PRKCB: variants seen among roughly 807,000 people sequenced by gnomAD.
PRKCB encodes the protein protein kinase C beta.
PRKCB carries 13 observed loss-of-function variants against 81.5 expected under a neutral mutation model. The observed-to-expected ratio is 0.16, with a 90% CI of 0.10 to 0.25. PRKCB has a LOEUF of 0.25. Among genes scored for constraint, PRKCB ranks in the 10% least tolerant of loss-of-function variants. PRKCB has a pLI of 1.00. For missense variants in PRKCB, 509 were observed against 875.7 expected (o/e 0.58, Z 5.29); for synonymous variants, 335 against 321.4 (o/e 1.04, Z -0.45).
At chr16:24,018,345 C>T (rs549745736) in intron 3 of PRKCB, among the ~76,000 whole-genome samples, 63 of 152,324 alleles carry the variant, frequency 4.1e-4, no homozygotes, top group African/African-American at 1.5e-3. Flanking sequence ...GCCACCGGAC[C>T]TGGCAGAACA....
intron 3 of PRKCB, among the ~76,000 whole-genome samples, chr16:23,990,239 A>G (rs1350236064): frequency 6.6e-6 from 1 of 151,906 alleles, no homozygotes; most frequent in Non-Finnish European, 1.5e-5. Flanking sequence ...CGGGCAGATC[A>G]CAAGGTCAGG....
chr16:24,168,981 A>T (rs1462340531), intron 10 of PRKCB, among the ~76,000 whole-genome samples: 1 of 152,026 alleles, frequency 6.6e-6, no homozygotes, highest in Non-Finnish European at 1.5e-5. Context: ...CTCAGGCAGT[A>T]TTGCCAGGAC....
At chr16:24,087,776 A>G (rs763437851) in intron 5 of PRKCB, among the ~76,000 whole-genome samples, 1 of 152,230 alleles carries the variant, frequency 6.6e-6, no homozygotes, top group Non-Finnish European at 1.5e-5. Flanking sequence ...GTTAACATGC[A>G]TGCTATCTTT....
chr16:23,950,132 A>T (rs1349454138), intron 2 of PRKCB, among the ~76,000 whole-genome samples: 29 of 97,758 alleles, frequency 3.0e-4, no homozygotes, highest in Non-Finnish European at 4.3e-4. Context: ...TATGATTTGA[A>T]TTTTTTTTTT....
At chr16:23,841,412 C>G (rs910100048) in intron 2 of PRKCB, among the ~76,000 whole-genome samples, 2 of 151,790 alleles carry the variant, frequency 1.3e-5, no homozygotes, top group Non-Finnish European at 2.9e-5. Flanking sequence ...AACTTAGGAC[C>G]TGCATTTGAG....
intron 3 of PRKCB, among the ~76,000 whole-genome samples, chr16:23,989,260 G>A (rs145499700): frequency 0.011 from 1,747 of 152,176 alleles, 34 homozygotes; most frequent in African/African-American, 0.04. Context: ...CACTGTGCCC[G>A]GCCTATTATT....
intron 9 of PRKCB, among the ~76,000 whole-genome samples, chr16:24,150,687 T>C (rs946125839): frequency 2.6e-5 from 4 of 152,234 alleles, no homozygotes; most frequent in Admixed American, 6.5e-5. Context: ...CAGCAAACTA[T>C]TGGAGCCCAG....
rs1211736881 is a variant in PRKCB, at chr16:24,021,217, T to C, written c.289-10919T>C. On this transcript the variant is annotated intron_variant, in intron 3 of 16. Transcript: ENST00000643927. The stretch of plus-strand genomic sequence containing the variant: ...TTCTTTCTTTCTTTCTTTCTTTCTT[T>C]CTTTCTTTCTTTCTTTCCTTCCTTC... Among the ~76,000 whole-genome samples the C allele has an allele frequency of 1.0e-3, 26 of 24,956 alleles. 7 individuals carry two copies. Among genetic ancestry groups the C allele is most frequent in the South Asian group, 7.6e-3 (2 of 262 alleles). 16.4% of individuals were successfully genotyped at this position (24,956 alleles called of 152,430 possible). A position where few individuals can be genotyped will look rare whatever the true frequency, so the allele number is the denominator to read the frequency against.
intron 2 of PRKCB, among the ~76,000 whole-genome samples, chr16:23,867,024 CCTTCCTTCCTTCCTTCCTTCCTTCCT>C (rs1355972973): frequency 2.3e-5 from 2 of 87,910 alleles, no homozygotes; most frequent in African/African-American, 9.4e-5. Context: ...TTCCTTCCTT[CCTTCCTTCCTTCCTTCCTTCCTTCCT>C]TCTCTCTCTC....
chr16:24,165,423 A>T (rs955606562), intron 10 of PRKCB, among the ~76,000 whole-genome samples: 2 of 152,226 alleles, frequency 1.3e-5, no homozygotes, highest in Admixed American at 6.5e-5. Context: ...GGCAAGCCTG[A>T]ACCTTATTCA....
intron 9 of PRKCB, chr16:24,151,961 TC>T: frequency 2.2e-6 from 1 of 452,638 alleles, no homozygotes; most frequent in Admixed American, 2.4e-5. Flanking sequence ...AGATGTCCTA[TC>T]ATGACTGCAT....
At chr16:23,898,861 G>T (rs1465693878) in intron 2 of PRKCB, among the ~76,000 whole-genome samples, 1 of 152,194 alleles carries the variant, frequency 6.6e-6, no homozygotes, top group Non-Finnish European at 1.5e-5. Flanking sequence ...TAAACTCCTT[G>T]CACCTTGGTC....
intron 8 of PRKCB, among the ~76,000 whole-genome samples, chr16:24,120,693 A>G (rs536221314): frequency 6.6e-6 from 1 of 152,284 alleles, no homozygotes; most frequent in African/African-American, 2.4e-5. Context: ...TCTCCCAAAT[A>G]GATCCACTTT....
intron 8 of PRKCB, among the ~76,000 whole-genome samples, chr16:24,123,022 G>A (rs1218127526): frequency 6.6e-6 from 1 of 152,202 alleles, no homozygotes; most frequent in African/African-American, 2.4e-5. Flanking sequence ...AAACCATGGA[G>A]AATGAGAAAT....
chr16:24,133,227 T>C (rs1596562768), intron 9 of PRKCB, among the ~76,000 whole-genome samples: 2 of 152,134 alleles, frequency 1.3e-5, no homozygotes, highest in Admixed American at 6.5e-5. Flanking sequence ...AAAAAAAAAT[T>C]GCATGCCTTA....
intron 5 of PRKCB, among the ~76,000 whole-genome samples, chr16:24,055,971 A>C (rs913086068): frequency 6.6e-6 from 1 of 152,174 alleles, no homozygotes; most frequent in Admixed American, 6.5e-5. Context: ...AGGCTCAGAG[A>C]GGTTAATTGA....
In PRKCB at chr16:23,908,319, G is replaced by A. The variant is rs1963594661; in HGVS notation, c.205+70913G>A. On this transcript the variant is annotated intron_variant, in intron 2 of 16. Transcript: ENST00000643927. ...GTCCCCTTGGGAAGTTGCATTAGTG[G>A]GTGAATGGGGGTTTTATAGGCCAGG... Among the ~76,000 whole-genome samples the A allele has an allele frequency of 2.6e-5, 4 of 152,218 alleles. No homozygotes were observed. In the South Asian group the frequency reaches 8.3e-4, roughly 32 times the overall value.
At chr16:23,956,274 C>T (rs902279750) in intron 2 of PRKCB, among the ~76,000 whole-genome samples, 1 of 152,024 alleles carries the variant, frequency 6.6e-6, no homozygotes, top group East Asian at 1.9e-4. Context: ...CGCGCCACCA[C>T]GTCCAGCTAA....
intron 5 of PRKCB, among the ~76,000 whole-genome samples, chr16:24,071,384 G>T (rs973613676): frequency 6.9e-6 from 1 of 145,934 alleles, no homozygotes. Flanking sequence ...CGGGTGGATC[G>T]CTTGAGCTCA....
Sources: allele counts gnomAD v4.1 joint callset (sites outside exome capture counted in the v4.1 genomes callset), GRCh38; gene constraint gnomAD v4.1.1; transcripts MANE v1.5; gene names NCBI Gene and HGNC (gene_info 2026-07-23, HGNC 2026-07-21).